Variants in CACNA1S observed in about 807,000 individuals in gnomAD.
CACNA1S encodes the protein voltage-dependent L-type calcium channel subunit alpha-1S.
Under a neutral mutation model 207.4 loss-of-function variants are expected in CACNA1S, and 126 were observed. The ratio of observed to expected loss-of-function variants is 0.61; its 90% CI spans 0.53 to 0.70. The LOEUF is 0.70. CACNA1S is among the 30% of genes least tolerant of loss of function. The pLI, the probability that CACNA1S is intolerant of heterozygous loss-of-function variation, is 0.00. For synonymous variants in CACNA1S, 960 were observed against 932.7 expected, an observed-to-expected ratio of 1.03 and a Z score of -0.53; for missense variants, 2,349 against 2,422.8, an observed-to-expected ratio of 0.97 and a Z score of 0.64.
chr1:201,093,759 C>T (rs1188086159), intron 3 of CACNA1S, 123 bp downstream of exon 3: 5 of 1,230,168 alleles, frequency 4.1e-6, no homozygotes, highest in Non-Finnish European at 5.9e-6. Flanking sequence ...AGAGGCTGCT[C>T]CATGCAGTGG....
In CACNA1S at chr1:201,051,095, A is replaced by G. The variant is rs1251597570; in HGVS notation, c.4002T>C (p.Tyr1334=). ...AWQEILLACS[Y]GKLCDPESDY... ...CCGACTCTGGGTCACACAGCTTCCC[A>G]TAGCTGCAGGCCAGTAGGATCTCCT... The change falls in exon 33 of 44, where the codon TAT becomes TAC. Residue 1334 remains tyrosine, a synonymous_variant. Coordinates refer to ENST00000362061, the MANE Select transcript of CACNA1S (RefSeq NM_000069.3). 1.2e-6 allele frequency: 2 copies of G among 1,614,128 alleles called. No individual in the cohort carries two copies. The highest frequency in any genetic ancestry group is 1.7e-6 in the Non-Finnish European group (2 of 1,180,044).
chr1:201,095,662 C>T (rs767820028), intron 2 of CACNA1S, among the ~76,000 whole-genome samples: 6 of 152,206 alleles, frequency 3.9e-5, no homozygotes. Flanking sequence ...AATTTGTGAT[C>T]CCAAAGCTTT....
At chr1:201,044,604 G>C in intron 38 of CACNA1S, 148 bp from the exon 39 acceptor site, 1 of 857,140 alleles carries the variant, frequency 1.2e-6, no homozygotes, top group Non-Finnish European at 1.8e-6. Flanking sequence ...TCTGCTTCCC[G>C]GGTTCAAGTG....
At position 201,078,079 on chromosome 1, in the gene CACNA1S, G is replaced by A; in HGVS notation, c.1419C>T (p.Ser473=). ...TCATCAGCATCTCAGTGGTGAAGAG[G>A]GACAGCAGCACCCGGTTGGCAATGT... ...LQDIANRVLL[S]LFTTEMLMKM... is the part of the protein sequence containing the mutation. The change falls in exon 11 of 44, where the codon TCC becomes TCT. Residue 473 remains serine (S), a synonymous_variant. Coordinates refer to ENST00000362061, the MANE Select transcript of CACNA1S (RefSeq NM_000069.3). 1 of 1,614,166 alleles carries A rather than the reference G, an allele frequency of 6.2e-7. No individual in the cohort carries two copies.
chr1:201,067,162 A>G (rs530378022), intron 19 of CACNA1S, among the ~76,000 whole-genome samples, 169 bp from the exon 20 acceptor site: 1 of 152,316 alleles, frequency 6.6e-6, no homozygotes, highest in East Asian at 1.9e-4. Flanking sequence ...TGCATTTCCT[A>G]TCTCTGCTCG....
rs1232387836 is a variant in CACNA1S, at chr1:201,043,585, G to A, written c.4798-54C>T. On this transcript the variant is annotated intron_variant, in intron 39 of 43. Coordinates refer to ENST00000362061, the MANE Select transcript of CACNA1S (RefSeq NM_000069.3). Reference sequence around the variant, plus strand: ...GGGGTGAGGGCAGGGAGGGCATGGGGGGCTGTCACTCTGGGACAGTGGTAT... The same window carrying A: ...GGGGTGAGGGCAGGGAGGGCATGGGAGGCTGTCACTCTGGGACAGTGGTAT... The A allele has an allele frequency of 2.6e-6, 4 of 1,535,522 alleles. No homozygotes were observed. The South Asian group carries it at 4.5e-5, about 17-fold the overall frequency.
chr1:201,068,994 G>T, intron 19 of CACNA1S, 143 bp downstream of exon 19: 1 of 748,130 alleles, frequency 1.3e-6, no homozygotes. Context: ...TTGTGGGCCT[G>T]CCGGTGTGCT....
rs1402802201 is a variant in CACNA1S, at chr1:201,072,946, C to T, written c.2158-122G>A. On this transcript the variant is annotated intron_variant, in intron 15 of 43. Coordinates refer to ENST00000362061, the MANE Select transcript of CACNA1S (RefSeq NM_000069.3). ...TTAATCATCCCTACAGCCTAAGGAA[C>T]AGGGAATATTATGATCATCCCCATT... is the stretch of plus-strand genomic sequence containing the variant. 7.4e-6 allele frequency: 6 copies of T among 811,868 alleles called. No individual in the cohort carries two copies. The East Asian group carries it at 1.5e-4, about 20-fold the overall frequency. The allele number at this position is 811,868 out of a possible 1,614,324, so 50.3% of individuals were successfully genotyped here.
chr1:201,047,913 T>C (rs939999472), intron 36 of CACNA1S, among the ~76,000 whole-genome samples: 36 of 152,218 alleles, frequency 2.4e-4, no homozygotes, highest in Non-Finnish European at 2.4e-4. Context: ...TCCAAAATCT[T>C]TCAATTCCCC....
In CACNA1S at chr1:201,077,279, A is replaced by G. The variant is rs1470250323; in HGVS notation, c.1620-152T>C. ...TGGAAGACCCTGGATTCATGGCTGCATGCCCACTCTCTCCTTCCTGCAGAG... is the reference window on the plus strand; with the variant it reads ...TGGAAGACCCTGGATTCATGGCTGCGTGCCCACTCTCTCCTTCCTGCAGAG... On this transcript the variant is annotated intron_variant, in intron 11 of 43. Coordinates refer to ENST00000362061, the MANE Select transcript of CACNA1S (RefSeq NM_000069.3). 4 of 684,862 alleles carry G rather than the reference A, an allele frequency of 5.8e-6. No homozygotes were observed. The Admixed American group carries it at 8.7e-5, about 15-fold the overall frequency. 42.4% of individuals were successfully genotyped at this position (684,862 alleles called of 1,614,324 possible).
Position 201,083,195 on chromosome 1 carries a change from G to A in CACNA1S, c.1360C>T (p.His454Tyr). The A allele has an allele frequency of 6.2e-7, 1 of 1,614,180 alleles. No individual in the cohort carries two copies. Among genetic ancestry groups the A allele is most frequent in the South Asian group, 1.1e-5 (1 of 91,082 alleles). ...LNTLSIASEHHNQPLWLTRLQ... is the reference protein window; with the variant it reads ...LNTLSIASEHYNQPLWLTRLQ... The stretch of plus-strand genomic sequence containing the variant: ...CGGGTCAGCCAGAGAGGCTGGTTGT[G>A]GTGCTCTGAGGCGATAGACAGGGTG... Residue 454 changes from histidine (H) to tyrosine (Y), a missense_variant, in exon 10 of 44, where the codon CAC becomes TAC. By Grantham distance (83) the His-to-Tyr change is moderately conservative. Coordinates refer to ENST00000362061, the MANE Select transcript of CACNA1S (RefSeq NM_000069.3).
chr1:201,089,269 C>T lies in CACNA1S; in HGVS notation c.889G>A (p.Val297Ile), dbSNP rs138205421. The stretch of plus-strand genomic sequence containing the variant: ...GGGCCCAGACCCACCCAGTAAAGGA[C>T]GTCAGTCCATCCCTCCATGGTAATG... ...QCITMEGWTD[V>I]LYWVNDAIGN... is the part of the protein sequence containing the mutation. Residue 297 changes from valine (V) to isoleucine (I), a missense_variant, in exon 6 of 44, where the codon GTC becomes ATC. Physicochemically the swap from Val to Ile is conservative, Grantham distance 29 (BLOSUM62 3). Transcript: ENST00000362061. 5.2e-5 allele frequency: 84 copies of T among 1,614,068 alleles called. No individual in the cohort carries two copies. The highest frequency in any genetic ancestry group is 6.7e-5 in the African/African-American group (5 of 74,936).
At position 201,066,006 on chromosome 1, in the gene CACNA1S, T is replaced by C. The variant is rs938338297; in HGVS notation, c.2746-61A>G. ...ACCCACAGTAACCCTGCTAGCCCAG[T>C]TGAGGAAACCCCAGGAGTGCAAGAC... On this transcript the variant is annotated intron_variant, in intron 21 of 43. Transcript: ENST00000362061. The surrounding 1 kb of genome is among the most constrained non-coding windows in gnomAD (Gnocchi z 4.3). The C allele has an allele frequency of 2.4e-6, 3 of 1,254,802 alleles. No individual in the cohort carries two copies. Among genetic ancestry groups the C allele is most frequent in the Admixed American group, 1.9e-5 (1 of 52,608 alleles). 77.7% of individuals were successfully genotyped at this position (1,254,802 alleles called of 1,614,324 possible). A position where few individuals can be genotyped will look rare whatever the true frequency, so the allele number is the denominator to read the frequency against.
At chr1:201,102,705 C>T (rs1485345316) in intron 2 of CACNA1S, among the ~76,000 whole-genome samples, 2 of 152,180 alleles carry the variant, frequency 1.3e-5, no homozygotes, top group African/African-American at 4.8e-5. Context: ...ATTAATTTCT[C>T]CAGGATCACA....
rs1413875465 is a variant in CACNA1S, at chr1:201,069,483, T to C, written c.2479A>G (p.Met827Val). 6.9e-6 allele frequency: 11 copies of C among 1,604,732 alleles called. No individual in the cohort carries two copies. In the East Asian group the frequency reaches 1.1e-4, roughly 16 times the overall value. The part of the protein sequence containing the change: ...AAEDPIRADS[M>V]RNQILKHFDI... ...GTGAAGCCCGTCACCTGATTTCTCA[T>C]GGAATCAGCCCGGATGGGGTCTTCC... is the stretch of plus-strand genomic sequence containing the variant. Residue 827 changes from methionine to valine, a missense_variant, in exon 18 of 44, where the codon ATG becomes GTG. By Grantham distance (21) the Met-to-Val change is conservative. Transcript: ENST00000362061.
chr1:201,091,235 A>G (rs1662216996), intron 5 of CACNA1S, among the ~76,000 whole-genome samples: 1 of 152,214 alleles, frequency 6.6e-6, no homozygotes, highest in Non-Finnish European at 1.5e-5. Flanking sequence ...CTGAGGTCCC[A>G]TTCAGACCCT....
At chr1:201,040,576 C>T (rs1157368547) in intron 42 of CACNA1S, 46 bp downstream of exon 42, 1 of 1,564,110 alleles carries the variant, frequency 6.4e-7, no homozygotes, top group Non-Finnish European at 8.8e-7. Context: ...TCAGGCCAGG[C>T]AGGGTCTCTG....
At chr1:201,047,932 T>G (rs919996729) in intron 36 of CACNA1S, among the ~76,000 whole-genome samples, 13 of 152,226 alleles carry the variant, frequency 8.5e-5, no homozygotes, top group African/African-American at 2.7e-4. Flanking sequence ...CCAGGCACTG[T>G]GGTCTGGCCC....
rs531786108 is a variant in CACNA1S, at chr1:201,066,574, T to C, written c.2658-258A>G. Among the ~76,000 whole-genome samples, 7 of 152,176 alleles carry C rather than the reference T, an allele frequency of 4.6e-5. No homozygotes were observed. Among genetic ancestry groups the C allele is most frequent in the Admixed American group, 3.3e-4 (5 of 15,278 alleles). Reference sequence around the variant, plus strand: ...CCTTCCCCTGTGGGTGGCTAGAAGCTCCGTCCCTCCCGTCAGACGGTGAGC... The same window carrying C: ...CCTTCCCCTGTGGGTGGCTAGAAGCCCCGTCCCTCCCGTCAGACGGTGAGC... On this transcript the variant is annotated intron_variant, in intron 20 of 43. Coordinates refer to ENST00000362061, the MANE Select transcript of CACNA1S (RefSeq NM_000069.3). The surrounding 1 kb of genome is among the most constrained non-coding windows in gnomAD (Gnocchi z 4.3).
Sources: gnomAD v4.1 joint callset for allele counts (sites outside exome capture counted in the v4.1 genomes callset) on GRCh38, gnomAD v4.1.1 for gene constraint, Gnocchi (gnomAD v3.1) non-coding constraint, MANE v1.5 for transcripts, NCBI Gene and HGNC (gene_info 2026-07-23, HGNC 2026-07-21) for gene names.